Variants in SPMIP2 observed in about 807,000 individuals in gnomAD.
SPMIP2 encodes the protein sperm microtubule inner protein 2, also known as protein SPMIP2.
At chr4:159,081,156 GC>G in the SPMIP2 span, among the ~76,000 whole-genome samples, 29 of 151,332 alleles carry the variant, frequency 1.9e-4, no homozygotes, top group African/African-American at 7.0e-4. Context: ...TCCTGTCTCA[GC>G]CTCCCAAGTA....
the SPMIP2 span, among the ~76,000 whole-genome samples, chr4:159,072,098 G>A: frequency 7.9e-5 from 12 of 152,256 alleles, no homozygotes; most frequent in Admixed American, 7.2e-4. Context: ...GGATCACTTG[G>A]GCCCAAGGAG....
chr4:158,957,137 C>G, the SPMIP2 span, among the ~76,000 whole-genome samples: 1 of 152,070 alleles, frequency 6.6e-6, no homozygotes, highest in African/African-American at 2.4e-5. Flanking sequence ...ACCTTCCAAT[C>G]CCTTCTCCAT....
At chr4:159,057,757 A>G in the SPMIP2 span, among the ~76,000 whole-genome samples, 15 of 151,504 alleles carry the variant, frequency 9.9e-5, no homozygotes, top group Admixed American at 1.0e-3. Flanking sequence ...AATATTTATA[A>G]AGTAATGTTA....
chr4:159,076,039 G>A, the SPMIP2 span, among the ~76,000 whole-genome samples: 1 of 152,282 alleles, frequency 6.6e-6, no homozygotes. Flanking sequence ...TGGTGATGAT[G>A]AGGATGATGC....
At chr4:159,004,659 C>T in the SPMIP2 span, among the ~76,000 whole-genome samples, 1 of 152,008 alleles carries the variant, frequency 6.6e-6, no homozygotes, top group Non-Finnish European at 1.5e-5. Context: ...GTAGACTTTA[C>T]CTGATTATAA....
At chr4:158,970,615 G>A in the SPMIP2 span, among the ~76,000 whole-genome samples, 2 of 152,108 alleles carry the variant, frequency 1.3e-5, no homozygotes, top group East Asian at 3.9e-4. Context: ...TAGATGTAGA[G>A]GGAGAGATGA....
the SPMIP2 span, among the ~76,000 whole-genome samples, chr4:158,963,330 C>T: frequency 6.6e-6 from 1 of 151,920 alleles, no homozygotes; most frequent in East Asian, 1.9e-4. Context: ...GAGACAGGGT[C>T]TCGCTCTGTC....
chr4:159,058,918 T>A, the SPMIP2 span, among the ~76,000 whole-genome samples: 1 of 92,082 alleles, frequency 1.1e-5, no homozygotes, highest in Admixed American at 1.0e-4. Flanking sequence ...ACAAATGGCA[T>A]GTAATTCCTA....
chr4:159,061,946 C>G, the SPMIP2 span, among the ~76,000 whole-genome samples: 1 of 152,144 alleles, frequency 6.6e-6, no homozygotes, highest in Non-Finnish European at 1.5e-5. Flanking sequence ...AGCGTGAGCA[C>G]CAGCAGCCAT....
the SPMIP2 span, chr4:158,915,413 C>T: frequency 7.1e-7 from 1 of 1,408,282 alleles, no homozygotes. Flanking sequence ...AACAAGGCCA[C>T]CAGTTTTCAG....
chr4:158,919,622 A>C, the SPMIP2 span, among the ~76,000 whole-genome samples: 1 of 152,344 alleles, frequency 6.6e-6, no homozygotes. Context: ...TCTTGTTATT[A>C]GTACTTTTTG....
the SPMIP2 span, among the ~76,000 whole-genome samples, chr4:159,079,132 A>AAAT: frequency 0.015 from 2,219 of 151,916 alleles, 65 homozygotes; most frequent in African/African-American, 0.05. Context: ...ATAAATAAAT[A>AAAT]AATAATAATA....
At chr4:158,993,676 T>G in the SPMIP2 span, among the ~76,000 whole-genome samples, 1 of 150,998 alleles carries the variant, frequency 6.6e-6, no homozygotes, top group African/African-American at 2.4e-5. Flanking sequence ...GCTGCCTTTA[T>G]GAAACTGGCA....
chr4:158,897,036 C>G, the SPMIP2 span, among the ~76,000 whole-genome samples: 1 of 151,854 alleles, frequency 6.6e-6, no homozygotes, highest in African/African-American at 2.4e-5. Flanking sequence ...GTGATGTTCC[C>G]CTTCCTGTGT....
At chr4:159,046,771 C>A in the SPMIP2 span, among the ~76,000 whole-genome samples, 1 of 152,202 alleles carries the variant, frequency 6.6e-6, no homozygotes, top group Non-Finnish European at 1.5e-5. Context: ...CGGGCTTTCA[C>A]CATGTTGGCC....
the SPMIP2 span, among the ~76,000 whole-genome samples, chr4:159,022,151 A>G: frequency 3.9e-5 from 6 of 152,312 alleles, no homozygotes; most frequent in Admixed American, 1.3e-4. Flanking sequence ...TGTGGGAGGT[A>G]TTATTTCCTT....
chr4:158,927,858 G>A, the SPMIP2 span, among the ~76,000 whole-genome samples: 2 of 152,250 alleles, frequency 1.3e-5, no homozygotes, highest in Non-Finnish European at 2.9e-5. Context: ...CAGCAGCTAC[G>A]GCGGGTGTAC....
the SPMIP2 span, among the ~76,000 whole-genome samples, chr4:159,018,842 G>A: frequency 3.3e-5 from 5 of 152,184 alleles, no homozygotes; most frequent in African/African-American, 9.7e-5. Flanking sequence ...TGTAATCCCA[G>A]CACTTTGGGA....
chr4:159,009,718 C>T, the SPMIP2 span, among the ~76,000 whole-genome samples: 1 of 152,108 alleles, frequency 6.6e-6, no homozygotes, highest in African/African-American at 2.4e-5. Context: ...TGCCTGTAAT[C>T]CTAGCACTTA....
Sources: allele counts gnomAD v4.1 joint callset (sites outside exome capture counted in the v4.1 genomes callset), GRCh38; gene constraint gnomAD v4.1.1; transcripts MANE v1.5; gene names NCBI Gene and HGNC (gene_info 2026-07-23, HGNC 2026-07-21).